Variants in PRELID2 observed in about 807,000 individuals in gnomAD.
The protein encoded by PRELID2 is PRELI domain-containing protein 2.
Under a neutral mutation model 28.4 loss-of-function variants are expected in PRELID2, and 25 were observed. That is an observed-to-expected ratio of 0.88 (90% CI 0.64 to 1.23). PRELID2 has a LOEUF of 1.23. Among genes scored for constraint, PRELID2 ranks in the 50% most tolerant of loss-of-function variants. The pLI, the probability that PRELID2 is intolerant of heterozygous loss-of-function variation, is 0.00. For synonymous variants in PRELID2, 76 were observed against 71.6 expected (o/e 1.06, Z -0.31); for missense variants, 201 against 214.4 (o/e 0.94, Z 0.39).
chr5:145,358,712 C>T, the PRELID2 span, among the ~76,000 whole-genome samples: 3 of 152,090 alleles, frequency 2.0e-5, no homozygotes, highest in South Asian at 2.1e-4. Flanking sequence ...AAAATGGTCC[C>T]TTCAATATTT....
the PRELID2 span, among the ~76,000 whole-genome samples, chr5:145,301,210 T>A: frequency 1.3e-5 from 2 of 152,100 alleles, no homozygotes; most frequent in African/African-American, 4.8e-5. Context: ...TGTGTAACAT[T>A]GTGGTTTTAA....
chr5:145,829,450 C>G (rs2149888122), intron 1 of PRELID2, among the ~76,000 whole-genome samples: 1 of 152,266 alleles, frequency 6.6e-6, no homozygotes, highest in South Asian at 2.1e-4. Context: ...CATTATTCAA[C>G]AAGTACTTTA....
In PRELID2 at chr5:145,727,301, G is replaced by A. The variant is rs113055547; in HGVS notation, n.70+37630C>T. On this transcript the variant is annotated intron_variant and non_coding_transcript_variant, in intron 1 of 2. Coordinates refer to the PRELID2 transcript ENST00000510259. ...GAGCCCTGGATTCTATCCAACCCAC[G>A]AGGGGTTTTATGCCCTGGGCTTAGA... 4.9e-3 allele frequency among the ~76,000 whole-genome samples: 741 copies of A among 152,238 alleles called. 7 individuals are homozygous for A. The highest frequency in any genetic ancestry group is 0.016 in the African/African-American group (677 of 41,552).
chr5:145,335,836 A>G, the PRELID2 span, among the ~76,000 whole-genome samples: 1 of 152,234 alleles, frequency 6.6e-6, no homozygotes, highest in Non-Finnish European at 1.5e-5. Context: ...TAGATCCCTG[A>G]GGAATCCCCA....
chr5:145,352,868 G>C, the PRELID2 span, among the ~76,000 whole-genome samples: 1 of 152,080 alleles, frequency 6.6e-6, no homozygotes, highest in Non-Finnish European at 1.5e-5. Context: ...AGCATAACAA[G>C]AATCACCTTT....
the PRELID2 span, among the ~76,000 whole-genome samples, chr5:145,286,709 TTTGTTTGTTTGTTTG>T: frequency 6.2e-4 from 60 of 96,470 alleles, no homozygotes; most frequent in African/African-American, 2.7e-3. Flanking sequence ...TTTGTTTTTT[TTTGTTTGTTTGTTTG>T]TTTTTTTTTT....
chr5:145,439,505 C>G, the PRELID2 span, among the ~76,000 whole-genome samples: 3 of 152,098 alleles, frequency 2.0e-5, no homozygotes, highest in Admixed American at 1.3e-4. Flanking sequence ...TTATTCTCCC[C>G]CAAAGCCTAT....
intron 1 of PRELID2, among the ~76,000 whole-genome samples, chr5:145,705,824 A>G (rs1245785179): frequency 1.3e-5 from 2 of 152,128 alleles, no homozygotes; most frequent in Non-Finnish European, 2.9e-5. Flanking sequence ...TATAAATTTT[A>G]CATGTCACCA....
chr5:145,299,762 TG>T, the PRELID2 span, among the ~76,000 whole-genome samples: 2 of 152,030 alleles, frequency 1.3e-5, no homozygotes, highest in African/African-American at 4.8e-5. Context: ...ATAATTTCAT[TG>T]GGGACTGCAA....
chr5:145,509,443 G>T (rs1752442134), intron 1 of PRELID2, among the ~76,000 whole-genome samples: 2 of 152,098 alleles, frequency 1.3e-5, no homozygotes, highest in Admixed American at 6.6e-5. Context: ...TTTTAGAGAG[G>T]CAAGGTCACC....
the PRELID2 span, among the ~76,000 whole-genome samples, chr5:145,282,152 A>G: frequency 2.6e-4 from 40 of 152,320 alleles, no homozygotes; most frequent in Non-Finnish European, 4.7e-4. Context: ...GAAGTCCACA[A>G]ATGTTAACTA....
At chr5:145,238,476 A>G in the PRELID2 span, among the ~76,000 whole-genome samples, 1 of 152,126 alleles carries the variant, frequency 6.6e-6, no homozygotes, top group African/African-American at 2.4e-5. Context: ...AAATTTGTCT[A>G]TGTAAAACCT....
At chr5:145,732,314 A>C (rs924327451) in intron 1 of PRELID2, among the ~76,000 whole-genome samples, 3 of 152,174 alleles carry the variant, frequency 2.0e-5, no homozygotes, top group Non-Finnish European at 4.4e-5. Flanking sequence ...GTTACTCCAC[A>C]CATGTAAAAA....
chr5:145,491,399 GC>G (rs1752267442), intron 1 of PRELID2, among the ~76,000 whole-genome samples: 1 of 152,028 alleles, frequency 6.6e-6, no homozygotes, highest in Admixed American at 6.5e-5. Context: ...GAAAGGCTCT[GC>G]CCCTTTATTC....
chr5:145,536,168 G>C (rs1339334526), intron 1 of PRELID2, among the ~76,000 whole-genome samples: 1 of 151,912 alleles, frequency 6.6e-6, no homozygotes, highest in Admixed American at 6.6e-5. Context: ...GGGAGGCTGA[G>C]GGATGGCTTC....
At chr5:145,524,676 A>C (rs1171429205) in intron 1 of PRELID2, among the ~76,000 whole-genome samples, 3 of 152,208 alleles carry the variant, frequency 2.0e-5, no homozygotes, top group South Asian at 2.1e-4. Context: ...AATGCAATGG[A>C]AAGTGCATAA....
chr5:145,428,849 AGAG>A, the PRELID2 span, among the ~76,000 whole-genome samples: 1 of 152,192 alleles, frequency 6.6e-6, no homozygotes, highest in Non-Finnish European at 1.5e-5. Flanking sequence ...CATTCCAGGC[AGAG>A]GAGAGAACAA....
At chr5:145,816,253 T>C (rs1026006491) in intron 4 of PRELID2, among the ~76,000 whole-genome samples, 1 of 151,776 alleles carries the variant, frequency 6.6e-6, no homozygotes, top group Non-Finnish European at 1.5e-5. Flanking sequence ...CGGCTAATTG[T>C]TGTATTTTTA....
chr5:145,569,493 A>G (rs1029241533), intron 1 of PRELID2, among the ~76,000 whole-genome samples: 1 of 152,118 alleles, frequency 6.6e-6, no homozygotes, highest in East Asian at 1.9e-4. Context: ...TTGACTTCCT[A>G]AAAGCTACTA....
Sources: gnomAD v4.1 joint callset for allele counts (sites outside exome capture counted in the v4.1 genomes callset) on GRCh38, gnomAD v4.1.1 for gene constraint, MANE v1.5 for transcripts, NCBI Gene and HGNC (gene_info 2026-07-23, HGNC 2026-07-21) for gene names.